Variants in CCDC144A observed in about 807,000 individuals in gnomAD.
CCDC144A encodes coiled-coil domain containing 144A, also known as coiled-coil domain-containing protein 144A.
A neutral mutation model predicts 143.8 loss-of-function variants in CCDC144A; 41 were observed. The ratio of observed to expected loss-of-function variants is 0.29; its 90% CI spans 0.22 to 0.37. The LOEUF (loss-of-function observed/expected upper bound fraction) is 0.37, where lower values mean the gene tolerates loss of function less well. Ranked by LOEUF, CCDC144A falls within the 10% of genes least tolerant of loss-of-function variation. The pLI is 1.00. For missense variants in CCDC144A, 637 were observed against 1,488.8 expected, an observed-to-expected ratio of 0.43 and a Z score of 9.41; for synonymous variants, 242 against 517.9, an observed-to-expected ratio of 0.47 and a Z score of 7.23.
chr17:16,682,441 T>C, the CCDC144A span, among the ~76,000 whole-genome samples: 1 of 151,970 alleles, frequency 6.6e-6, no homozygotes, highest in African/African-American at 2.4e-5. Flanking sequence ...AGTGAAGAAG[T>C]CAGACGGTGC....
At chr17:16,669,929 T>C in the CCDC144A span, among the ~76,000 whole-genome samples, 1 of 152,146 alleles carries the variant, frequency 6.6e-6, no homozygotes, top group African/African-American at 2.4e-5. Context: ...GTGGCTATAA[T>C]CCCAGCCCTT....
intron 12 of CCDC144A, among the ~76,000 whole-genome samples, chr17:16,738,900 G>A (rs2621553): frequency 2.4e-4 from 37 of 152,010 alleles, no homozygotes; most frequent in African/African-American, 8.5e-4. Flanking sequence ...ACCATTTTAC[G>A]TTCCCATCAG....
At chr17:16,771,140 G>A (rs1488663821) in intron 15 of CCDC144A, among the ~76,000 whole-genome samples, 1 of 152,082 alleles carries the variant, frequency 6.6e-6, no homozygotes, top group Admixed American at 6.5e-5. Context: ...CTCTAGATAG[G>A]GACACTGGCA....
intron 15 of CCDC144A, among the ~76,000 whole-genome samples, chr17:16,770,830 G>A (rs1268881152): frequency 6.6e-6 from 1 of 151,650 alleles, no homozygotes; most frequent in Non-Finnish European, 1.5e-5. Flanking sequence ...AGATTTCTGT[G>A]GGACATAGCT....
At chr17:16,678,756 T>G in the CCDC144A span, among the ~76,000 whole-genome samples, 14 of 146,408 alleles carry the variant, frequency 9.6e-5, no homozygotes, top group African/African-American at 2.5e-4. Flanking sequence ...AATTTGTTTT[T>G]TTTTTTTTTT....
chr17:16,685,937 A>ATT (rs35158544), upstream of CCDC144A, among the ~76,000 whole-genome samples: 55 of 124,196 alleles, frequency 4.4e-4, no homozygotes, highest in African/African-American at 1.0e-3. Context: ...ACATCTGGCT[A>ATT]TTTTTTTTTT....
chr17:16,684,232 G>C, the CCDC144A span: 1 of 900,756 alleles, frequency 1.1e-6, no homozygotes, highest in South Asian at 1.3e-5. Flanking sequence ...TTCAGTGGGC[G>C]AGTATCTTAA....
rs757856458 is a variant in CCDC144A, at chr17:16,737,162, C to CTTTT, written c.3372+1538_3372+1541dup. Among the ~76,000 whole-genome samples, 147 of 102,670 alleles carry CTTTT rather than the reference C, an allele frequency of 1.4e-3. 3 individuals carry two copies. The highest frequency in any genetic ancestry group is 3.6e-3 in the African/African-American group (90 of 24,904). 67.4% of individuals were successfully genotyped at this position (102,670 alleles called of 152,430 possible). ...CAAAGTATATGAGTTAGAGTTAAAT[C>CTTTT]TTTTTTTTTTTTTTTTTTTTTTGAG... is the stretch of plus-strand genomic sequence containing the variant. On this transcript the variant is annotated intron_variant, in intron 12 of 16. Coordinates refer to ENST00000399273, the MANE Select transcript of CCDC144A (RefSeq NM_001382000.1).
At chr17:16,733,588 G>A (rs1913853140) in intron 11 of CCDC144A, among the ~76,000 whole-genome samples, 1 of 149,694 alleles carries the variant, frequency 6.7e-6, no homozygotes, top group South Asian at 2.1e-4. Flanking sequence ...ATTATAAAGA[G>A]GAAACTTAAG....
At chr17:16,669,893 A>C in the CCDC144A span, among the ~76,000 whole-genome samples, 1 of 152,198 alleles carries the variant, frequency 6.6e-6, no homozygotes, top group Admixed American at 6.5e-5. Flanking sequence ...CAAAAATTAT[A>C]GAAAACTATT....
rs569107634 is a variant in CCDC144A, at chr17:16,713,794, G to T, written c.1715+1979G>T. ...AAAAATATAGTATATAGTTATATAA[G>T]AATTGAAAAATACAGCTAAACAAGA... On this transcript the variant is annotated intron_variant, in intron 6 of 16. Coordinates refer to ENST00000399273, the MANE Select transcript of CCDC144A (RefSeq NM_001382000.1). Among the ~76,000 whole-genome samples the T allele has an allele frequency of 5.9e-5, 9 of 152,266 alleles. No homozygotes were observed. In the South Asian group the frequency reaches 1.0e-3, roughly 18 times the overall value.
intron 5 of CCDC144A, chr17:16,710,403 C>T (rs1314591025): frequency 6.6e-6 from 1 of 152,142 alleles, no homozygotes. Flanking sequence ...AAGAAGTATC[C>T]AGCCCTGAGA....
chr17:16,745,768 C>T, intron 12 of CCDC144A: 1 of 1,613,068 alleles, frequency 6.2e-7, no homozygotes, highest in East Asian at 2.2e-5. Flanking sequence ...TCCTTGTTTG[C>T]CAGTCGCTCT....
chr17:16,729,975 T>TATATATATATATATATATATAC (rs1225312326), intron 9 of CCDC144A, among the ~76,000 whole-genome samples: 5 of 134,304 alleles, frequency 3.7e-5, no homozygotes, highest in Non-Finnish European at 1.6e-5. Context: ...TATATATATA[T>TATATATATATATATATATATAC]ATATATATAT....
At position 16,715,748 on chromosome 17, in the gene CCDC144A, G is replaced by C. The variant is rs531593378; in HGVS notation, c.1715+3933G>C. Among the ~76,000 whole-genome samples, 7 of 152,336 alleles carry C rather than the reference G, an allele frequency of 4.6e-5. No individual in the cohort carries two copies. In the South Asian group the frequency reaches 1.4e-3, roughly 32 times the overall value. On this transcript the variant is annotated intron_variant, in intron 6 of 16. Coordinates refer to ENST00000399273, the MANE Select transcript of CCDC144A (RefSeq NM_001382000.1). ...AGCTGTTGATCTTACATAGGGTTGC[G>C]GGAGGAGCGGACTTGAAGCATTGGC...
In CCDC144A at chr17:16,691,064, TG is replaced by T. The variant is rs565957083; in HGVS notation, c.344+321del. 1.6e-3 allele frequency among the ~76,000 whole-genome samples: 243 copies of T among 152,340 alleles called. 1 individual carries two copies. The highest frequency in any genetic ancestry group is 5.5e-3 in the African/African-American group (230 of 41,584). On this transcript the variant is annotated intron_variant, in intron 1 of 16. Coordinates refer to ENST00000399273, the MANE Select transcript of CCDC144A (RefSeq NM_001382000.1). The stretch of plus-strand genomic sequence containing the variant: ...GTTCCTTCCATCCTTAAGAACTTCA[TG>T]TTGGCCGAGCTCGGTGGCTCATGCC...
In CCDC144A at chr17:16,724,787, A is replaced by ATTTTTTTTTTTT. The variant is rs760344292; in HGVS notation, c.1892-2715_1892-2704dup. ...AGATTACACGTTCTTGATTAACTGA[A>ATTTTTTTTTTTT]TTTTTTTTTTTTTTTTTTTTTTTTT... On this transcript the variant is annotated intron_variant, in intron 8 of 16. Transcript: ENST00000399273. Among the ~76,000 whole-genome samples, 4 of 35,114 alleles carry ATTTTTTTTTTTT rather than the reference A, an allele frequency of 1.1e-4. 1 individual carries two copies. The highest frequency in any genetic ancestry group is 1.6e-4 in the Non-Finnish European group (3 of 19,348). The allele number at this position is 35,114 out of a possible 152,430, so 23.0% of individuals were successfully genotyped here.
chr17:16,681,884 TACG>T, the CCDC144A span, among the ~76,000 whole-genome samples: 454 of 151,634 alleles, frequency 3.0e-3, 5 homozygotes, highest in African/African-American at 0.01. Context: ...TGTGTTATGA[TACG>T]GCTTGGAATT....
At chr17:16,710,382 A>AG (rs1912336683) in intron 5 of CCDC144A, 1 of 151,912 alleles carries the variant, frequency 6.6e-6, no homozygotes, top group Non-Finnish European at 1.5e-5. Context: ...AAAAAAAAAA[A>AG]GAAAAGAAAA....
Sources: allele counts gnomAD v4.1 joint callset (sites outside exome capture counted in the v4.1 genomes callset), GRCh38; gene constraint gnomAD v4.1.1; transcripts MANE v1.5; gene names NCBI Gene and HGNC (gene_info 2026-07-23, HGNC 2026-07-21).